MRPL34: variants seen among roughly 807,000 people sequenced by gnomAD.
The protein encoded by MRPL34 is large ribosomal subunit protein bL34m.
Under a neutral mutation model 6.7 loss-of-function variants are expected in MRPL34, and 8 were observed. The ratio of observed to expected loss-of-function variants is 1.20; its 90% CI spans 0.70 to 2.16. The LOEUF (loss-of-function observed/expected upper bound fraction) is 2.16. Among genes scored for constraint, MRPL34 ranks in the 30% most tolerant of loss-of-function variants. The pLI, the probability that MRPL34 is intolerant of heterozygous loss-of-function variation, is 0.00. For missense variants in MRPL34, 146 were observed against 125.5 expected (o/e 1.16, Z -0.78); for synonymous variants, 59 against 55.1 (o/e 1.07, Z -0.31).
At chr19:17,296,844 G>T (rs1268756611) in intron 1 of MRPL34, 1 of 152,040 alleles carries the variant, frequency 6.6e-6, no homozygotes, top group Non-Finnish European at 1.5e-5. Flanking sequence ...ACAGGCATCT[G>T]CCATTATGCC....
chr19:17,299,094 C>A (rs1599524465), upstream of MRPL34, among the ~76,000 whole-genome samples: 1 of 152,194 alleles, frequency 6.6e-6, no homozygotes, highest in South Asian at 2.1e-4. Flanking sequence ...TGACGGAAAT[C>A]CCTGTCTGAT....
rs1568350357 is a variant in MRPL34 at position 17,305,876 on chromosome 19, CG to C, written c.-14del. The C allele has an allele frequency of 6.2e-7, 1 of 1,613,612 alleles. No individual in the cohort carries two copies. The highest frequency in any genetic ancestry group is 8.5e-7 in the Non-Finnish European group (1 of 1,179,720). On this transcript the variant is annotated 5_prime_UTR_variant, in exon 1 of 2. Transcript: ENST00000252602. ...CCGGAATCGCCCGCAGCCGGTACTG[CG>C]GGACCCACTGCGGATATGGCTGTCT...
chr19:17,304,431 C>T (rs2074136527), upstream of MRPL34, among the ~76,000 whole-genome samples: 1 of 152,220 alleles, frequency 6.6e-6, no homozygotes, highest in South Asian at 2.1e-4. Flanking sequence ...ATAACAAATG[C>T]TCCATATATT....
In MRPL34 at chr19:17,305,973, G is replaced by C. The variant is rs756022757; in HGVS notation, c.65+16G>C. ...TGGGTGGCAGGTAAGTCCTCAGGGG[G>C]ACCCTTCCCCAAATCAGGGAATAAG... is the stretch of plus-strand genomic sequence containing the variant. On this transcript the variant is annotated intron_variant, in intron 1 of 1. Coordinates refer to ENST00000252602, the MANE Select transcript of MRPL34 (RefSeq NM_023937.4). 6.2e-7 allele frequency: 1 copy of C among 1,613,984 alleles called. No individual in the cohort carries two copies.
Position 17,294,321 on chromosome 19 carries a change from A to G in MRPL34, c.214+1467A>G, listed in dbSNP as rs145137671. On this transcript the variant is annotated intron_variant, in intron 1 of 2. Transcript: ENST00000595444. ...TGCGCTGGTCTTCCTCCACCGGCAC[A>G]AACTTATCGTGCATGCCGTGGACAA... 162 of 1,610,402 alleles carry G rather than the reference A, an allele frequency of 1.0e-4. No individual in the cohort carries two copies. In the African/African-American group the frequency reaches 1.9e-3, roughly 18 times the overall value.
chr19:17,294,173 C>G, intron 1 of MRPL34: 1 of 1,322,868 alleles, frequency 7.6e-7, no homozygotes, highest in Non-Finnish European at 1.0e-6. Context: ...AGCCACGCCC[C>G]CTCGGGAAGA....
chr19:17,299,539 G>T (rs1288176620), upstream of MRPL34, among the ~76,000 whole-genome samples: 4 of 139,214 alleles, frequency 2.9e-5, no homozygotes, highest in African/African-American at 8.0e-5. Context: ...CCAGCCTGGG[G>T]GACAGAGTGA....
chr19:17,301,431 G>T, upstream of MRPL34: 1 of 1,612,074 alleles, frequency 6.2e-7, no homozygotes, highest in South Asian at 1.1e-5. Flanking sequence ...CCGAGGATGC[G>T]GATGATGGTG....
intron 1 of MRPL34, among the ~76,000 whole-genome samples, chr19:17,293,774 G>A (rs989554899): frequency 2.0e-5 from 3 of 151,090 alleles, no homozygotes; most frequent in Non-Finnish European, 4.4e-5. Context: ...GCTCACCACA[G>A]CCTTGAACTC....
rs533367911 is a variant in MRPL34 at position 17,306,511 on chromosome 19, G to C, written c.*132G>C. On this transcript the variant is annotated 3_prime_UTR_variant, in exon 2 of 2. Coordinates refer to ENST00000252602, the MANE Select transcript of MRPL34 (RefSeq NM_023937.4). ...TGAGTGCTCTCCATATTGTGGGGTTGAAGTCTGGATGGGAGCTTGCCAAGT... is the reference window on the plus strand; with the variant it reads ...TGAGTGCTCTCCATATTGTGGGGTTCAAGTCTGGATGGGAGCTTGCCAAGT... 18 of 838,738 alleles carry C rather than the reference G, an allele frequency of 2.1e-5. No homozygotes were observed. The highest frequency in any genetic ancestry group is 3.0e-5 in the Non-Finnish European group (17 of 557,970). The allele number at this position is 838,738 out of a possible 1,614,324, so 52.0% of individuals were successfully genotyped here. A position where few individuals can be genotyped will look rare whatever the true frequency, so the allele number is the denominator to read the frequency against.
At chr19:17,300,873 G>A, upstream of MRPL34, 1 of 1,596,238 alleles carries the variant, frequency 6.3e-7, no homozygotes, top group South Asian at 1.1e-5. Flanking sequence ...AATGGCCAAT[G>A]AGCACATTTC....
chr19:17,292,683 G>T, exon 1 of MRPL34: 1 of 1,611,276 alleles, frequency 6.2e-7, no homozygotes, highest in Non-Finnish European at 8.5e-7. Flanking sequence ...TTCTGGAGGC[G>T]CCGGCAGTGG....
upstream of MRPL34, chr19:17,301,354 C>A: frequency 6.2e-7 from 1 of 1,610,076 alleles, no homozygotes; most frequent in Non-Finnish European, 8.5e-7. Flanking sequence ...CAGCAACCGC[C>A]CATTGCGGTA....
chr19:17,303,104 C>T (rs999946488), upstream of MRPL34: 4 of 152,288 alleles, frequency 2.6e-5, no homozygotes, highest in Admixed American at 2.6e-4. Context: ...AGGTGTTCGT[C>T]ATCCCTGCAG....
Position 17,306,286 on chromosome 19 carries a change from C to G in MRPL34, c.186C>G (p.Asn62Lys), listed in dbSNP as rs1210607397. 6 of 1,609,872 alleles carry G rather than the reference C, an allele frequency of 3.7e-6. No homozygotes were observed. The Admixed American group carries it at 1.0e-4, about 27-fold the overall frequency. Residue 62 changes from asparagine (N) to lysine (K), a missense_variant, in exon 2 of 2, where the codon AAC becomes AAG. Coordinates refer to ENST00000252602, the MANE Select transcript of MRPL34 (RefSeq NM_023937.4). ...AGCCGAGCAACATCAAACGCAAGAACAAGCACGGCTGGGTCCGGCGCCTGA... is the reference window on the plus strand; with the variant it reads ...AGCCGAGCAACATCAAACGCAAGAAGAAGCACGGCTGGGTCCGGCGCCTGA... The part of the protein sequence containing the change: ...EYQPSNIKRK[N>K]KHGWVRRLST...
Position 17,306,202 on chromosome 19 carries a change from C to A in MRPL34, c.102C>A (p.Asp34Glu), listed in dbSNP as rs759418477. 7.7e-6 allele frequency: 12 copies of A among 1,552,966 alleles called. No individual in the cohort carries two copies. Among genetic ancestry groups the A allele is most frequent in the Middle Eastern group, 4.0e-4 (2 of 5,006 alleles). The change falls in exon 2 of 2, where the codon GAC becomes GAA. Residue 34 changes from aspartate (D) to glutamate (E), a missense_variant. Physicochemically the swap from Asp to Glu is conservative, Grantham distance 45. Transcript: ENST00000252602. ...LQPRAWLGFP[D>E]AWGLPTPQQA... ...CCCGGGCCTGGCTGGGGTTCCCAGA[C>A]GCCTGGGGCCTCCCCACCCCGCAGC...
chr19:17,297,244 A>C (rs527898080), intron 1 of MRPL34, among the ~76,000 whole-genome samples: 73 of 152,206 alleles, frequency 4.8e-4, no homozygotes, highest in African/African-American at 1.7e-3. Context: ...GTGCTGACCT[A>C]ATAGCACTGT....
chr19:17,305,868 C>G (rs552464979), upstream of MRPL34: 85 of 1,611,048 alleles, frequency 5.3e-5, no homozygotes, highest in Middle Eastern at 1.6e-3. Context: ...CGCCCGCAGC[C>G]GGTACTGCGG....
upstream of MRPL34, among the ~76,000 whole-genome samples, chr19:17,301,776 TTGTGTGTGTGTGTG>T (rs10679164): frequency 1.2e-4 from 17 of 147,464 alleles, no homozygotes; most frequent in African/African-American, 2.3e-4. Flanking sequence ...ATTTTTTTGT[TTGTGTGTGTGTGTG>T]TGTGTGTGTG....
Sources: gnomAD v4.1 joint callset for allele counts (sites outside exome capture counted in the v4.1 genomes callset) on GRCh38, gnomAD v4.1.1 for gene constraint, MANE v1.5 for transcripts, NCBI Gene and HGNC (gene_info 2026-07-23, HGNC 2026-07-21) for gene names.